The following DPP10 variants were observed in gnomAD, a reference collection of about 807,000 sequenced individuals.
The protein encoded by DPP10 is inactive dipeptidyl peptidase 10.
A neutral mutation model predicts 120.9 loss-of-function variants in DPP10; 33 were observed. The observed-to-expected ratio is 0.27, with a 90% CI of 0.21 to 0.37. DPP10 has a LOEUF of 0.37. Among genes scored for constraint, DPP10 ranks in the 10% least tolerant of loss-of-function variants. The probability of loss-of-function intolerance (pLI) is 1.00; values close to 1 mark genes in which losing one functional copy is unlikely to be tolerated. For missense variants in DPP10, 816 were observed against 942.8 expected, an observed-to-expected ratio of 0.87 and a Z score of 1.76; for synonymous variants, 337 against 326.1, an observed-to-expected ratio of 1.03 and a Z score of -0.36.
Position 115,844,630 on chromosome 2 carries a change from T to C in DPP10, c.*2285T>C, listed in dbSNP as rs1690469389. On this transcript the variant is annotated 3_prime_UTR_variant, in exon 26 of 26. Coordinates refer to ENST00000410059, the MANE Select transcript of DPP10 (RefSeq NM_020868.6). ...TTAAAGGAATCATGTGATTGGATTT[T>C]CCCCTGTATACATGTACCCTTGGTC... 1.3e-5 allele frequency: 2 copies of C among 152,182 alleles called. No homozygotes were observed. Among genetic ancestry groups the C allele is most frequent in the Admixed American group, 6.5e-5 (1 of 15,268 alleles). The allele number at this position is 152,182 out of a possible 1,614,324, so 9.4% of individuals were successfully genotyped here.
intron 3 of DPP10, among the ~76,000 whole-genome samples, chr2:115,384,129 T>A (rs1432255332): frequency 6.6e-6 from 1 of 152,166 alleles, no homozygotes; most frequent in Non-Finnish European, 1.5e-5. Context: ...TTCTCCCATC[T>A]CCTGCTCTCC....
At chr2:115,637,789 A>T (rs2086467929) in intron 5 of DPP10, among the ~76,000 whole-genome samples, 1 of 152,312 alleles carries the variant, frequency 6.6e-6, no homozygotes, top group Admixed American at 6.5e-5. Flanking sequence ...TCACTGATGG[A>T]CAAGAACAGT....
intron 5 of DPP10, among the ~76,000 whole-genome samples, chr2:115,659,543 T>A (rs980451671): frequency 6.6e-6 from 1 of 152,148 alleles, no homozygotes; most frequent in African/African-American, 2.4e-5. Context: ...TAAAATGTGT[T>A]TGTTGTTTTG....
At chr2:114,989,398 C>T (rs906269101) in intron 1 of DPP10, among the ~76,000 whole-genome samples, 1 of 151,994 alleles carries the variant, frequency 6.6e-6, no homozygotes, top group Non-Finnish European at 1.5e-5. Context: ...AGGAAGTGAA[C>T]GGTGCTCCAA....
intron 5 of DPP10, among the ~76,000 whole-genome samples, chr2:115,553,345 T>G (rs2079994881): frequency 6.6e-6 from 1 of 150,956 alleles, no homozygotes; most frequent in South Asian, 2.1e-4. Context: ...CTAAATAATA[T>G]GAAGCCAATG....
intron 1 of DPP10, among the ~76,000 whole-genome samples, chr2:115,130,509 C>T (rs112153960): frequency 0.038 from 5,583 of 147,946 alleles, 296 homozygotes; most frequent in African/African-American, 0.12. Flanking sequence ...TCTATCCATC[C>T]ATCCATCCAT....
At chr2:115,338,583 C>G (rs2138777) in intron 2 of DPP10, among the ~76,000 whole-genome samples, 67,184 of 152,012 alleles carry the variant, frequency 0.44, 15,777 homozygotes, top group Non-Finnish European at 0.53. Flanking sequence ...GCCTCAGCCT[C>G]CCAAGCAGCT....
chr2:114,503,600 T>A (rs1683386455), intron 1 of DPP10, among the ~76,000 whole-genome samples: 1 of 152,112 alleles, frequency 6.6e-6, no homozygotes, highest in South Asian at 2.1e-4. Context: ...AGGGGAGAAA[T>A]TATCTCACGG....
intron 1 of DPP10, among the ~76,000 whole-genome samples, chr2:114,563,649 A>G (rs558449208): frequency 3.9e-5 from 6 of 152,224 alleles, no homozygotes; most frequent in Admixed American, 1.3e-4. Context: ...GATTAAGATG[A>G]ACAAACCCAA....
At chr2:114,639,255 C>T (rs902364366) in intron 1 of DPP10, among the ~76,000 whole-genome samples, 28 of 151,848 alleles carry the variant, frequency 1.8e-4, no homozygotes, top group African/African-American at 2.4e-4. Flanking sequence ...TGCAGAGAAA[C>T]GCTCCTTTAT....
At chr2:115,461,964 G>A (rs1017695173) in intron 3 of DPP10, among the ~76,000 whole-genome samples, 1 of 152,094 alleles carries the variant, frequency 6.6e-6, no homozygotes, top group Non-Finnish European at 1.5e-5. Context: ...CCTTTGGAAT[G>A]TCTTTTATTC....
chr2:115,394,082 T>C (rs2067502904), intron 3 of DPP10, among the ~76,000 whole-genome samples: 1 of 152,212 alleles, frequency 6.6e-6, no homozygotes, highest in South Asian at 2.1e-4. Context: ...GAGATTGAAT[T>C]ATGCCGTTCA....
intron 1 of DPP10, among the ~76,000 whole-genome samples, chr2:115,179,229 G>C (rs143929829): frequency 6.6e-6 from 1 of 152,216 alleles, no homozygotes; most frequent in African/African-American, 2.4e-5. Context: ...ATAATATTTA[G>C]AAATTTTAAT....
intron 1 of DPP10, among the ~76,000 whole-genome samples, chr2:114,822,164 C>A (rs938756047): frequency 1.3e-5 from 2 of 152,212 alleles, no homozygotes; most frequent in Admixed American, 6.5e-5. Flanking sequence ...CCCTGAACAT[C>A]CAGATGTTTT....
At chr2:114,494,115 A>AAAAAAC (rs1553450328) in intron 1 of DPP10, among the ~76,000 whole-genome samples, 14 of 142,624 alleles carry the variant, frequency 9.8e-5, no homozygotes, top group East Asian at 4.2e-4. Context: ...AAAAAAAAAA[A>AAAAAAC]AAAAAACCCA....
At chr2:115,419,395 A>T (rs971259853) in intron 3 of DPP10, among the ~76,000 whole-genome samples, 1 of 152,132 alleles carries the variant, frequency 6.6e-6, no homozygotes, top group Non-Finnish European at 1.5e-5. Context: ...AAAGGGGAGC[A>T]GGCATGTCAT....
At chr2:114,570,836 TA>T (rs58796386) in intron 1 of DPP10, among the ~76,000 whole-genome samples, 2,580 of 57,854 alleles carry the variant, frequency 0.045, 28 homozygotes, top group African/African-American at 0.089. Context: ...CTGTCTCAAA[TA>T]AAAAAAAAAA....
At chr2:114,770,853 T>C (rs566111099) in intron 1 of DPP10, among the ~76,000 whole-genome samples, 1 of 152,222 alleles carries the variant, frequency 6.6e-6, no homozygotes, top group East Asian at 1.9e-4. Context: ...ACTACTCATA[T>C]ACTCAAAATT....
chr2:114,621,378 T>C (rs1350714002), intron 1 of DPP10, among the ~76,000 whole-genome samples: 3 of 151,884 alleles, frequency 2.0e-5, no homozygotes, highest in East Asian at 3.9e-4. Flanking sequence ...ATATGCCTTT[T>C]ATCTACACTA....
Sources: gnomAD v4.1 joint callset for allele counts (sites outside exome capture counted in the v4.1 genomes callset) on GRCh38, gnomAD v4.1.1 for gene constraint, MANE v1.5 for transcripts, NCBI Gene and HGNC (gene_info 2026-07-23, HGNC 2026-07-21) for gene names.